Variants in ZFHX3 observed in about 807,000 individuals in gnomAD.
The protein encoded by ZFHX3 is zinc finger homeobox 3, also known as zinc finger homeobox protein 3.
Under a neutral mutation model 279.1 loss-of-function variants are expected in ZFHX3, and 42 were observed. The ratio of observed to expected loss-of-function variants is 0.15; its 90% confidence interval spans 0.12 to 0.19. ZFHX3 has a LOEUF of 0.19. ZFHX3 is among the 10% of genes least tolerant of loss of function. ZFHX3 has a pLI of 1.00. For synonymous variants in ZFHX3, 2,293 were observed against 1,957.8 expected (o/e 1.17, Z -4.52); for missense variants, 4,981 against 4,754.0 (o/e 1.05, Z -1.40).
chr16:72,949,289 A>C (rs1960856301), intron 3 of ZFHX3, among the ~76,000 whole-genome samples: 1 of 152,222 alleles, frequency 6.6e-6, no homozygotes, highest in Admixed American at 6.5e-5. Flanking sequence ...TCGTGGGCCC[A>C]AAGACGCGAG....
chr16:73,039,181 C>A (rs995330488), intron 1 of ZFHX3, among the ~76,000 whole-genome samples: 1 of 151,958 alleles, frequency 6.6e-6, no homozygotes, highest in African/African-American at 2.4e-5. Flanking sequence ...AGGTCTCAAG[C>A]CCCTGAGCTC....
At chr16:73,019,365 T>TGTGC (rs150272212) in intron 1 of ZFHX3, among the ~76,000 whole-genome samples, 4 of 144,582 alleles carry the variant, frequency 2.8e-5, no homozygotes, top group Non-Finnish European at 6.2e-5. Context: ...TGTGTGTGTG[T>TGTGC]GTGCGTGTGC....
At chr16:72,907,307 T>C (rs2039201295) in intron 3 of ZFHX3, among the ~76,000 whole-genome samples, 2 of 152,154 alleles carry the variant, frequency 1.3e-5, no homozygotes, top group Non-Finnish European at 2.9e-5. Flanking sequence ...TCTTCCGGCT[T>C]TGATTCATTC....
At chr16:73,628,192 C>T (rs767252370) in intron 2 of ZFHX3, among the ~76,000 whole-genome samples, 3 of 152,194 alleles carry the variant, frequency 2.0e-5, no homozygotes, top group Admixed American at 6.5e-5. Context: ...TATAAGCTTT[C>T]TCATTAATAA....
At chr16:72,867,510 C>T (rs1034346540) in intron 4 of ZFHX3, among the ~76,000 whole-genome samples, 2 of 152,162 alleles carry the variant, frequency 1.3e-5, no homozygotes, top group South Asian at 4.1e-4. Context: ...CTGTAAGAAG[C>T]AACATCGTAA....
rs1217729617 is a variant in ZFHX3, at chr16:72,788,132, G to C, written c.10144C>G (p.Gln3382Glu). The change falls in exon 10 of 10, where the codon CAA becomes GAA. Residue 3382 changes from glutamine (Q) to glutamate (E), a missense_variant. Around this residue, in one of 7 missense-constraint regions of ZFHX3, gnomAD observed 1,034 missense variants for 786.0 expected, o/e 1.32. Transcript: ENST00000268489. ...TTTTGCTGCTGCTGCTGCTGTAGTT[G>C]CCGCTGCTGCTGCTGCTGAATTGCC... ...QEAIQQQQQRQLQQQQQQKVQ... is the reference protein window; with the variant it reads ...QEAIQQQQQRELQQQQQQKVQ... 1 of 1,596,716 alleles carries C rather than the reference G, an allele frequency of 6.3e-7. No homozygotes were observed. Among genetic ancestry groups the C allele is most frequent in the East Asian group, 2.2e-5 (1 of 44,744 alleles).
chr16:72,959,671 T>C lies in ZFHX3; in HGVS notation c.475A>G (p.Ser159Gly), dbSNP rs749766556. The change falls in exon 2 of 10, where the codon AGT becomes GGT. Residue 159 changes from serine (S) to glycine (G), a missense_variant. Ser to Gly is a moderately conservative substitution (Grantham distance 56). This residue lies in a region of ZFHX3 where 1,068 missense variants were observed against 935.2 expected (regional missense o/e 1.14). Transcript: ENST00000268489. ...GGGAGAGGCCCACTGCCACTGCCACTCCCACAGGCGCCCCCGCCCTGGGTC... is the reference window on the plus strand; with the variant it reads ...GGGAGAGGCCCACTGCCACTGCCACCCCCACAGGCGCCCCCGCCCTGGGTC... ...QLTQGGGACGSGSGSGPLPSL... is the reference protein window; with the variant it reads ...QLTQGGGACGGGSGSGPLPSL... 6.2e-7 allele frequency: 1 copy of C among 1,613,890 alleles called. No homozygotes were observed. The highest frequency in any genetic ancestry group is 8.5e-7 in the Non-Finnish European group (1 of 1,179,988).
At chr16:73,667,043 G>A (rs1486061030) in intron 2 of ZFHX3, among the ~76,000 whole-genome samples, 1 of 151,934 alleles carries the variant, frequency 6.6e-6, no homozygotes, top group African/African-American at 2.4e-5. Context: ...CCAGGCTAGA[G>A]TGCAGTGGCA....
At chr16:73,560,807 C>G (rs536444035) in intron 2 of ZFHX3, among the ~76,000 whole-genome samples, 1 of 152,192 alleles carries the variant, frequency 6.6e-6, no homozygotes, top group Non-Finnish European at 1.5e-5. Context: ...GTGTGAGTCG[C>G]TGCTACTTAA....
intron 3 of ZFHX3, among the ~76,000 whole-genome samples, chr16:72,919,110 C>T (rs2039518616): frequency 6.6e-6 from 1 of 151,924 alleles, no homozygotes; most frequent in South Asian, 2.1e-4. Flanking sequence ...TTCCCTAATC[C>T]AGGCTCACAG....
chr16:72,863,758 AT>A (rs2037944933), intron 4 of ZFHX3, among the ~76,000 whole-genome samples: 1 of 152,136 alleles, frequency 6.6e-6, no homozygotes, highest in South Asian at 2.1e-4. Context: ...AGGAACACAG[AT>A]GATGGGTTCA....
At chr16:73,028,877 ACAG>A (rs1964602296) in intron 1 of ZFHX3, among the ~76,000 whole-genome samples, 1 of 152,230 alleles carries the variant, frequency 6.6e-6, no homozygotes, top group African/African-American at 2.4e-5. Flanking sequence ...GGCAACAACA[ACAG>A]AAGTCTTGTT....
intron 1 of ZFHX3, among the ~76,000 whole-genome samples, chr16:73,793,888 C>A (rs983795150): frequency 6.6e-6 from 1 of 152,020 alleles, no homozygotes; most frequent in Non-Finnish European, 1.5e-5. Flanking sequence ...ATTTGGGATG[C>A]AAGCTGAGGT....
At chr16:73,851,119 T>A (rs533686924) in intron 1 of ZFHX3, among the ~76,000 whole-genome samples, 1 of 152,338 alleles carries the variant, frequency 6.6e-6, no homozygotes, top group South Asian at 2.1e-4. Flanking sequence ...TGTCAAAACA[T>A]GGTTACGAAC....
chr16:72,926,646 G>A (rs556907448), intron 3 of ZFHX3, among the ~76,000 whole-genome samples: 90 of 152,210 alleles, frequency 5.9e-4, no homozygotes, highest in Non-Finnish European at 9.3e-4. Flanking sequence ...GATAGGTCCC[G>A]ACCACCCATG....
intron 5 of ZFHX3, among the ~76,000 whole-genome samples, chr16:73,188,865 T>C (rs957842544): frequency 8.0e-6 from 1 of 124,708 alleles, no homozygotes; most frequent in African/African-American, 3.0e-5. Context: ...TATTTCTTTT[T>C]CTTTTTTTTT....
chr16:73,415,658 T>G (rs2017556362), intron 3 of ZFHX3, among the ~76,000 whole-genome samples: 1 of 152,164 alleles, frequency 6.6e-6, no homozygotes, highest in Non-Finnish European at 1.5e-5. Context: ...ATAGGCCATT[T>G]CCTCCCCTTA....
rs536854642 is a variant in ZFHX3 at position 73,760,020 on chromosome 16, A to T, written c.-1607-79780T>A. On this transcript the variant is annotated intron_variant, in intron 1 of 17. Transcript: ENST00000641206. ...TGAATCCAGGAGCTGTTTTTTTTTA[A>T]AAAAAAATTAATAAAACAGACAACT... is the stretch of plus-strand genomic sequence containing the variant. Among the ~76,000 whole-genome samples, 167 of 132,200 alleles carry T rather than the reference A, an allele frequency of 1.3e-3. No individual in the cohort carries two copies. The East Asian group carries it at 0.018, about 14-fold the overall frequency. The allele number at this position is 132,200 out of a possible 152,430, so 86.7% of individuals were successfully genotyped here.
At chr16:73,136,722 C>A (rs1966801652) in intron 6 of ZFHX3, among the ~76,000 whole-genome samples, 1 of 105,924 alleles carries the variant, frequency 9.4e-6, no homozygotes, top group South Asian at 3.2e-4. Flanking sequence ...CAAGACTCTG[C>A]CTCAAAAAAA....
Sources: gnomAD v4.1 joint callset for allele counts (sites outside exome capture counted in the v4.1 genomes callset) on GRCh38, gnomAD v4.1.1 for gene constraint, gnomAD v4.1.1 regional missense constraint, MANE v1.5 for transcripts, NCBI Gene and HGNC (gene_info 2026-07-23, HGNC 2026-07-21) for gene names.